Variants in ANKHD1 observed in about 807,000 individuals in gnomAD.
ANKHD1 encodes ankyrin repeat and KH domain-containing protein 1.
Under a neutral mutation model 230.5 loss-of-function variants are expected in ANKHD1, and 31 were observed. The ratio of observed to expected loss-of-function variants is 0.13; its 90% CI spans 0.10 to 0.18. ANKHD1 has a LOEUF of 0.18. Among genes scored for constraint, ANKHD1 ranks in the 10% least tolerant of loss-of-function variants. The pLI is 1.00. For missense variants in ANKHD1, 2,256 were observed against 3,071.3 expected (o/e 0.73, Z 6.27); for synonymous variants, 1,074 against 1,117.6 (o/e 0.96, Z 0.78).
chr5:140,475,762 A>T (rs1750932491), intron 10 of ANKHD1, among the ~76,000 whole-genome samples: 1 of 152,172 alleles, frequency 6.6e-6, no homozygotes, highest in South Asian at 2.1e-4. Flanking sequence ...AGACTGAGGG[A>T]ACTTCCAAAA....
At chr5:140,498,342 T>C (rs1283598691) in intron 15 of ANKHD1, among the ~76,000 whole-genome samples, 1 of 152,252 alleles carries the variant, frequency 6.6e-6, no homozygotes, top group Non-Finnish European at 1.5e-5. Flanking sequence ...TCCTGATCTT[T>C]ACTGAATCTT....
In ANKHD1 at chr5:140,455,103, A is replaced by T. The variant is rs187258098; in HGVS notation, c.1243-3522A>T. The stretch of plus-strand genomic sequence containing the variant: ...ATAAACACCTCTATGCAAATAAACT[A>T]GGAAATCTAGAAGAAATTGATAAAT... On this transcript the variant is annotated intron_variant, in intron 7 of 33. Coordinates refer to ENST00000360839, the MANE Select transcript of ANKHD1 (RefSeq NM_017747.3). Among the ~76,000 whole-genome samples, 43 of 152,352 alleles carry T rather than the reference A, an allele frequency of 2.8e-4. No individual in the cohort carries two copies. In the East Asian group the frequency reaches 3.7e-3, roughly 13 times the overall value.
At position 140,529,179 on chromosome 5, in the gene ANKHD1, A is replaced by C. The variant is rs149679934; in HGVS notation, c.6233A>C (p.Gln2078Pro). 8 of 1,614,062 alleles carry C rather than the reference A, an allele frequency of 5.0e-6. No individual in the cohort carries two copies. The African/African-American group carries it at 1.1e-4, about 22-fold the overall frequency. Reference protein sequence around the residue: ...SSPTPTSSNTQEEAQPSSVSD... With the variant: ...SSPTPTSSNTPEEAQPSSVSD... ...CCCACTCCTACTTCCAGTAACACAC[A>C]AGAGGAGGCACAGCCATCCAGTGTG... The change falls in exon 29 of 34, where the codon CAA (glutamine) becomes CCA (proline). Residue 2078 changes from glutamine to proline, a missense_variant. Around this residue, in one of 13 missense-constraint regions of ANKHD1, gnomAD observed 778 missense variants for 966.5 expected, o/e 0.80. Transcript: ENST00000360839.
chr5:140,443,782 G>GT (rs1774057831), intron 5 of ANKHD1, among the ~76,000 whole-genome samples: 1 of 152,046 alleles, frequency 6.6e-6, no homozygotes, highest in South Asian at 2.1e-4. Context: ...AAATTCAGTG[G>GT]TTTTTAAGGT....
Position 140,539,518 on chromosome 5 carries a change from G to C in ANKHD1, c.*100G>C, listed in dbSNP as rs1754213048. ...ATGTGCCTAAGAAATTTTCTCTGAG[G>C]CTTTAGCAATGGAAATTTGATTGCC... is the stretch of plus-strand genomic sequence containing the variant. On this transcript the variant is annotated 3_prime_UTR_variant, in exon 34 of 34. Transcript: ENST00000360839. The C allele has an allele frequency of 1.7e-5, 23 of 1,345,102 alleles. No homozygotes were observed. The highest frequency in any genetic ancestry group is 2.3e-5 in the Non-Finnish European group (22 of 975,810). 83.3% of individuals were successfully genotyped at this position (1,345,102 alleles called of 1,614,324 possible).
chr5:140,515,299 A>G (rs1752950467), intron 24 of ANKHD1, among the ~76,000 whole-genome samples: 1 of 151,920 alleles, frequency 6.6e-6, no homozygotes, highest in South Asian at 2.1e-4. Context: ...AAAAAATCCC[A>G]TTTTACCAAA....
chr5:140,463,428 C>G lies in ANKHD1; in HGVS notation c.1673-1239C>G, dbSNP rs73791724. Among the ~76,000 whole-genome samples the G allele has an allele frequency of 6.1e-3, 933 of 152,206 alleles. 9 individuals are homozygous for G. The highest frequency in any genetic ancestry group is 0.022 in the African/African-American group (902 of 41,534). On this transcript the variant is annotated intron_variant, in intron 9 of 33. Coordinates refer to ENST00000360839, the MANE Select transcript of ANKHD1 (RefSeq NM_017747.3). ...TGGGATCAGTCATTTTTCTAAGAAG[C>G]CCTAATTTCATTATTTAGTAAATGG...
intron 24 of ANKHD1, among the ~76,000 whole-genome samples, chr5:140,513,958 G>A (rs921164061): frequency 1.3e-5 from 2 of 151,882 alleles, no homozygotes; most frequent in African/African-American, 4.8e-5. Context: ...AGAGGTTGCA[G>A]TGAGCTGTGA....
At chr5:140,472,454 A>G (rs1776561026) in intron 10 of ANKHD1, 1 of 1,355,656 alleles carries the variant, frequency 7.4e-7, no homozygotes, top group Admixed American at 3.6e-5. Context: ...AAGTCCCAAT[A>G]AAAAGAGATT....
intron 1 of ANKHD1, among the ~76,000 whole-genome samples, chr5:140,435,397 G>A (rs1324547382): frequency 6.7e-6 from 1 of 148,200 alleles, no homozygotes; most frequent in Admixed American, 6.7e-5. Flanking sequence ...TTTTTTTTGA[G>A]ATGGAGTTTT....
chr5:140,506,535 C>T lies in ANKHD1; in HGVS notation c.3409-300C>T, dbSNP rs6890051. Among the ~76,000 whole-genome samples, 14 of 152,092 alleles carry T rather than the reference C, an allele frequency of 9.2e-5. No individual in the cohort carries two copies. The highest frequency in any genetic ancestry group is 8.8e-5 in the Non-Finnish European group (6 of 68,020). On this transcript the variant is annotated intron_variant, in intron 18 of 33. Coordinates refer to ENST00000360839, the MANE Select transcript of ANKHD1 (RefSeq NM_017747.3). This position sits in a 1 kb window ranked among gnomAD's most constrained non-coding sequence, Gnocchi z 4.7. ...AATTATCTTAATCCTTACATTTATT[C>T]GGATTGAATGAATCACAATTCTAAC...
intron 11 of ANKHD1, among the ~76,000 whole-genome samples, chr5:140,482,922 A>G (rs890454387): frequency 6.6e-6 from 1 of 152,228 alleles, no homozygotes; most frequent in African/African-American, 2.4e-5. Context: ...AGCCAAATGT[A>G]AAATGTCCCA....
chr5:140,510,701 A>G (rs931828420), intron 22 of ANKHD1, among the ~76,000 whole-genome samples: 4 of 152,172 alleles, frequency 2.6e-5, no homozygotes, highest in Non-Finnish European at 4.4e-5. Context: ...TTTGTGATAC[A>G]TTGTTCATGA....
chr5:140,533,704 T>C (rs1449602861), intron 29 of ANKHD1, among the ~76,000 whole-genome samples: 1 of 142,378 alleles, frequency 7.0e-6, no homozygotes, highest in Non-Finnish European at 1.5e-5. Context: ...AGCCCAGAGG[T>C]CGAGGCTGCA....
intron 1 of ANKHD1, among the ~76,000 whole-genome samples, chr5:140,414,721 T>C (rs542461182): frequency 4.0e-5 from 6 of 151,860 alleles, no homozygotes; most frequent in African/African-American, 1.2e-4. Context: ...TAGTCCCAGC[T>C]ACTCAAGAGG....
chr5:140,442,419 G>T (rs546140298), intron 5 of ANKHD1, among the ~76,000 whole-genome samples: 38 of 151,990 alleles, frequency 2.5e-4, no homozygotes, highest in Non-Finnish European at 4.4e-4. Flanking sequence ...TTCCACACGT[G>T]GGGGAGGGAG....
chr5:140,515,521 C>T (rs1022761385), intron 24 of ANKHD1, among the ~76,000 whole-genome samples: 7 of 152,150 alleles, frequency 4.6e-5, no homozygotes, highest in South Asian at 2.1e-4. Context: ...ACGCAGAAGA[C>T]GGGTGATTTC....
intron 1 of ANKHD1, among the ~76,000 whole-genome samples, chr5:140,418,144 CTTTTT>C (rs147753786): frequency 7.9e-6 from 1 of 126,410 alleles, no homozygotes; most frequent in African/African-American, 3.0e-5. Context: ...GTCCAGCCTT[CTTTTT>C]TTTTTTTTTT....
intron 1 of ANKHD1, among the ~76,000 whole-genome samples, chr5:140,417,975 G>T (rs1771543628): frequency 6.6e-6 from 1 of 151,432 alleles, no homozygotes; most frequent in Non-Finnish European, 1.5e-5. Context: ...GAGTAGCTGG[G>T]ATTACAGGTG....
Sources: gnomAD v4.1 joint callset for allele counts (sites outside exome capture counted in the v4.1 genomes callset) on GRCh38, gnomAD v4.1.1 for gene constraint, gnomAD v4.1.1 regional missense constraint, Gnocchi (gnomAD v3.1) non-coding constraint, MANE v1.5 for transcripts, NCBI Gene and HGNC (gene_info 2026-07-23, HGNC 2026-07-21) for gene names.